The following RGS6 variants were observed in gnomAD, a reference collection of about 807,000 sequenced individuals.
RGS6 encodes regulator of G-protein signaling 6.
RGS6 carries 30 observed loss-of-function variants against 78.5 expected under a neutral mutation model. The observed-to-expected ratio is 0.38, with a 90% confidence interval of 0.29 to 0.52. The LOEUF (loss-of-function observed/expected upper bound fraction) is 0.52. Ranked by LOEUF, RGS6 falls within the 20% of genes least tolerant of loss-of-function variation. The probability of loss-of-function intolerance (pLI) is 0.85; values close to 1 mark genes in which losing one functional copy is unlikely to be tolerated. For synonymous variants in RGS6, 206 were observed against 206.0 expected, an observed-to-expected ratio of 1.00 and a Z score of 0.00; for missense variants, 495 against 609.7, an observed-to-expected ratio of 0.81 and a Z score of 1.98.
At chr14:72,576,556 T>C in the RGS6 span, among the ~76,000 whole-genome samples, 1 of 152,244 alleles carries the variant, frequency 6.6e-6, no homozygotes, top group Non-Finnish European at 1.5e-5. Flanking sequence ...TTTTAGCTAT[T>C]TGGAACAGAA....
chr14:72,027,208 C>T (rs1169520171), intron 2 of RGS6, among the ~76,000 whole-genome samples: 3 of 149,996 alleles, frequency 2.0e-5, no homozygotes, highest in Non-Finnish European at 4.4e-5. Flanking sequence ...GGACTATGTC[C>T]TCTGCTTTAA....
At chr14:72,384,638 G>C (rs532998714) in intron 3 of RGS6, among the ~76,000 whole-genome samples, 4 of 152,116 alleles carry the variant, frequency 2.6e-5, no homozygotes, top group Admixed American at 6.5e-5. Flanking sequence ...CCTCTTTTCC[G>C]ATCAGTTCCC....
chr14:71,894,350 A>C, the RGS6 span, among the ~76,000 whole-genome samples: 1 of 152,220 alleles, frequency 6.6e-6, no homozygotes, highest in South Asian at 2.1e-4. Flanking sequence ...ATTTTGCTTT[A>C]AAGATAGTAA....
At chr14:72,128,177 G>A (rs1455579919) in intron 2 of RGS6, among the ~76,000 whole-genome samples, 1 of 152,130 alleles carries the variant, frequency 6.6e-6, no homozygotes, top group Non-Finnish European at 1.5e-5. Flanking sequence ...TATTTATAAG[G>A]AGAGTAAGAT....
At chr14:72,458,471 A>G in intron 5 of RGS6, 94 bp downstream of exon 5, 2 of 960,266 alleles carry the variant, frequency 2.1e-6, no homozygotes, top group Non-Finnish European at 3.2e-6. Flanking sequence ...GGGATATCTG[A>G]GGGAGTAGCC....
At chr14:72,400,981 G>C (rs140542750) in intron 3 of RGS6, among the ~76,000 whole-genome samples, 14 of 152,336 alleles carry the variant, frequency 9.2e-5, no homozygotes, top group African/African-American at 3.4e-4. Context: ...TTGGCTGCTG[G>C]TTTTGGAAGT....
chr14:72,300,443 A>G (rs1411404116), intron 2 of RGS6, among the ~76,000 whole-genome samples: 1 of 152,238 alleles, frequency 6.6e-6, no homozygotes, highest in Non-Finnish European at 1.5e-5. Context: ...ATGTACCTGC[A>G]GACCTGATTA....
chr14:71,947,611 A>G (rs1404567918), intron 1 of RGS6, among the ~76,000 whole-genome samples: 1 of 152,128 alleles, frequency 6.6e-6, no homozygotes, highest in Non-Finnish European at 1.5e-5. Context: ...CAGCCTCCCA[A>G]GTAGCTGGGA....
At chr14:72,411,443 T>G (rs904649895) in intron 3 of RGS6, among the ~76,000 whole-genome samples, 1 of 152,240 alleles carries the variant, frequency 6.6e-6, no homozygotes, top group Non-Finnish European at 1.5e-5. Flanking sequence ...CTGAAGTTGC[T>G]TATCAGCTTA....
At chr14:72,423,446 T>TA (rs150239064) in intron 3 of RGS6, among the ~76,000 whole-genome samples, 5,750 of 151,160 alleles carry the variant, frequency 0.038, 353 homozygotes, top group African/African-American at 0.13. Context: ...ATGGATTGTG[T>TA]AAAAAAAAAT....
At chr14:72,194,435 A>G (rs145505961) in intron 2 of RGS6, among the ~76,000 whole-genome samples, 4 of 139,464 alleles carry the variant, frequency 2.9e-5, no homozygotes, top group East Asian at 4.2e-4. Context: ...CACTAATGCA[A>G]TCATAGCTCA....
chr14:71,999,110 G>A (rs1258861637), intron 2 of RGS6, among the ~76,000 whole-genome samples: 1 of 152,174 alleles, frequency 6.6e-6, no homozygotes. Flanking sequence ...TAAAATGAGT[G>A]ATGGGGCCTA....
At chr14:72,229,541 G>T (rs2049007816) in intron 2 of RGS6, among the ~76,000 whole-genome samples, 1 of 152,130 alleles carries the variant, frequency 6.6e-6, no homozygotes, top group South Asian at 2.1e-4. Context: ...TATATGGCAG[G>T]TTGGGGTTTG....
intron 2 of RGS6, among the ~76,000 whole-genome samples, chr14:72,306,241 C>G (rs953458211): frequency 2.6e-5 from 4 of 152,204 alleles, no homozygotes; most frequent in African/African-American, 7.2e-5. Context: ...TGCTCAAAAA[C>G]AAAGATTCCT....
chr14:72,078,719 G>C (rs117676388), intron 2 of RGS6, among the ~76,000 whole-genome samples: 2,027 of 152,150 alleles, frequency 0.013, 20 homozygotes, highest in Non-Finnish European at 0.02. Context: ...CGCCCGGCCA[G>C]GTATTTCTTT....
intron 2 of RGS6, among the ~76,000 whole-genome samples, chr14:72,203,029 C>T (rs1313301635): frequency 1.3e-5 from 2 of 152,038 alleles, no homozygotes; most frequent in Admixed American, 6.5e-5. Context: ...CGCCCGCCAC[C>T]ACACCCGGCT....
intron 3 of RGS6, among the ~76,000 whole-genome samples, chr14:72,433,259 C>G (rs1377845659): frequency 1.3e-5 from 2 of 151,728 alleles, no homozygotes; most frequent in African/African-American, 4.9e-5. Flanking sequence ...AGCTTGGAGA[C>G]TGGCCACCCT....
chr14:72,486,400 A>G (rs897980418), intron 12 of RGS6, among the ~76,000 whole-genome samples: 2 of 152,110 alleles, frequency 1.3e-5, no homozygotes, highest in Non-Finnish European at 2.9e-5. Flanking sequence ...GCTTATAAAT[A>G]AATACATGGC....
At chr14:72,283,280 G>T (rs755652153) in intron 2 of RGS6, among the ~76,000 whole-genome samples, 16 of 152,030 alleles carry the variant, frequency 1.1e-4, no homozygotes, top group Non-Finnish European at 2.2e-4. Flanking sequence ...AGTTATTTTG[G>T]CTATATACCC....
Sources: allele counts gnomAD v4.1 joint callset (sites outside exome capture counted in the v4.1 genomes callset), GRCh38; gene constraint gnomAD v4.1.1; transcripts MANE v1.5; gene names NCBI Gene and HGNC (gene_info 2026-07-23, HGNC 2026-07-21).